The following KAZN variants were observed in gnomAD, a reference collection of about 807,000 sequenced individuals.
KAZN encodes kazrin, periplakin interacting protein.
In KAZN, 40 loss-of-function variants were observed where a neutral mutation model predicts 87.4. That is an observed-to-expected ratio of 0.46 (90% CI 0.36 to 0.60). The LOEUF is 0.60. Ranked by LOEUF, KAZN falls within the 20% of genes least tolerant of loss-of-function variation. The probability of loss-of-function intolerance (pLI) is 0.00; values close to 1 mark genes in which losing one functional copy is unlikely to be tolerated. For missense variants in KAZN, 898 were observed against 1,073.9 expected, an observed-to-expected ratio of 0.84 and a Z score of 2.29; for synonymous variants, 466 against 458.3, an observed-to-expected ratio of 1.02 and a Z score of -0.22.
chr1:14,162,117 C>A (rs756073454), intron 1 of KAZN, among the ~76,000 whole-genome samples: 4 of 152,174 alleles, frequency 2.6e-5, no homozygotes, highest in Non-Finnish European at 4.4e-5. Flanking sequence ...TGGATCCACC[C>A]TTTGAGCTCT....
At chr1:14,634,410 G>A (rs147173053) in intron 1 of KAZN, among the ~76,000 whole-genome samples, 1,758 of 152,266 alleles carry the variant, frequency 0.012, 47 homozygotes, top group African/African-American at 0.039. Context: ...TGGATGATAC[G>A]TTAGCAGGAG....
chr1:14,489,145 A>G (rs1669508974), intron 2 of KAZN, among the ~76,000 whole-genome samples: 1 of 152,132 alleles, frequency 6.6e-6, no homozygotes, highest in African/African-American at 2.4e-5. Context: ...GTTTCTTATG[A>G]TTGAGGTCAT....
At chr1:15,092,052 G>GTTTTTTTTTTTTTT (rs1182724737) in intron 8 of KAZN, among the ~76,000 whole-genome samples, 7 of 82,644 alleles carry the variant, frequency 8.5e-5, no homozygotes, top group African/African-American at 3.2e-4. Flanking sequence ...CAGAGGTTTT[G>GTTTTTTTTTTTTTT]TTTTTTTGTT....
At chr1:14,563,204 A>G (rs1300057029) in intron 2 of KAZN, among the ~76,000 whole-genome samples, 1 of 152,218 alleles carries the variant, frequency 6.6e-6, no homozygotes, top group African/African-American at 2.4e-5. Flanking sequence ...AATTACCTGC[A>G]GTCACGCCTG....
exon 1 of KAZN, chr1:13,893,635 C>T: frequency 6.5e-7 from 1 of 1,549,788 alleles, no homozygotes; most frequent in Non-Finnish European, 8.7e-7. Flanking sequence ...GACGCTGCCA[C>T]ATGACCAACA....
chr1:14,001,913 G>T (rs1283905050), intron 1 of KAZN, among the ~76,000 whole-genome samples: 1 of 152,068 alleles, frequency 6.6e-6, no homozygotes, highest in African/African-American at 2.4e-5. Context: ...AGAAAACCTA[G>T]ACAGTACCAT....
chr1:14,947,449 C>T lies in KAZN; in HGVS notation c.227-13235C>T, dbSNP rs12033073. Among the ~76,000 whole-genome samples, 685 of 152,298 alleles carry T rather than the reference C, an allele frequency of 4.5e-3. 13 individuals carry two copies. In the East Asian group the frequency reaches 0.064, roughly 14 times the overall value. On this transcript the variant is annotated intron_variant, in intron 1 of 14. Coordinates refer to ENST00000376030, the MANE Select transcript of KAZN (RefSeq NM_201628.3). ...GTTGCAAGAGCCAAGACTGGGGGAC[C>T]TGGCCATTTTTTTCATCTGAAGCTC...
At chr1:14,272,454 A>G (rs1400404856) in intron 2 of KAZN, among the ~76,000 whole-genome samples, 1 of 152,220 alleles carries the variant, frequency 6.6e-6, no homozygotes, top group South Asian at 2.1e-4. Flanking sequence ...TAGCAAATCA[A>G]TCAAACTTTC....
intron 2 of KAZN, among the ~76,000 whole-genome samples, chr1:14,257,042 C>T (rs1650572387): frequency 6.6e-6 from 1 of 152,114 alleles, no homozygotes; most frequent in Non-Finnish European, 1.5e-5. Flanking sequence ...GTTTAATTAC[C>T]CTTTTAATCA....
At chr1:15,083,381 C>A (rs1640098713) in intron 8 of KAZN, among the ~76,000 whole-genome samples, 1 of 152,192 alleles carries the variant, frequency 6.6e-6, no homozygotes, top group African/African-American at 2.4e-5. Flanking sequence ...CGGCCATCAC[C>A]TCTGGCTCCA....
intron 1 of KAZN, among the ~76,000 whole-genome samples, chr1:14,853,084 G>A (rs1027511865): frequency 6.6e-6 from 1 of 152,212 alleles, no homozygotes; most frequent in Admixed American, 6.5e-5. Context: ...TCACTCCAAA[G>A]TCCAGGCACA....
chr1:14,656,678 G>A (rs920094245), intron 1 of KAZN, among the ~76,000 whole-genome samples: 3 of 152,204 alleles, frequency 2.0e-5, no homozygotes, highest in Non-Finnish European at 2.9e-5. Context: ...TTACATGGCC[G>A]GAGAAGGAGG....
At chr1:14,364,583 C>G (rs1381108023) in intron 2 of KAZN, among the ~76,000 whole-genome samples, 1 of 152,100 alleles carries the variant, frequency 6.6e-6, no homozygotes, top group African/African-American at 2.4e-5. Context: ...AAAACATGAC[C>G]ACCATCATTC....
At chr1:14,947,456 T>A (rs938253) in intron 1 of KAZN, among the ~76,000 whole-genome samples, 88,479 of 152,076 alleles carry the variant, frequency 0.58, 28,974 homozygotes, top group African/African-American at 0.9. Flanking sequence ...GACCTGGCCA[T>A]TTTTTTCATC....
intron 1 of KAZN, among the ~76,000 whole-genome samples, chr1:14,903,426 G>A (rs1264269342): frequency 1.3e-5 from 2 of 152,302 alleles, no homozygotes; most frequent in South Asian, 2.1e-4. Context: ...GCAGCAGAGC[G>A]GGCCATCTGT....
chr1:13,947,104 G>A (rs1385350714), intron 1 of KAZN, among the ~76,000 whole-genome samples: 1 of 152,078 alleles, frequency 6.6e-6, no homozygotes, highest in East Asian at 1.9e-4. Context: ...CTATAAAGAA[G>A]TGCCTGAGAC....
At chr1:14,943,921 C>G (rs774266725) in intron 1 of KAZN, among the ~76,000 whole-genome samples, 19 of 152,006 alleles carry the variant, frequency 1.2e-4, no homozygotes, top group Non-Finnish European at 1.6e-4. Flanking sequence ...AAAATACAAA[C>G]TAATTAGCCG....
chr1:14,779,048 T>C (rs773274786), intron 1 of KAZN, among the ~76,000 whole-genome samples: 2 of 152,184 alleles, frequency 1.3e-5, no homozygotes, highest in Non-Finnish European at 2.9e-5. Context: ...AGTGTTTCCA[T>C]GACACAGGTG....
intron 1 of KAZN, among the ~76,000 whole-genome samples, chr1:14,866,075 C>A (rs962960970): frequency 6.6e-6 from 1 of 152,112 alleles, no homozygotes; most frequent in Non-Finnish European, 1.5e-5. Context: ...GTTATAGCAG[C>A]CCTGGGAAAG....
Sources: gnomAD v4.1 joint callset for allele counts (sites outside exome capture counted in the v4.1 genomes callset) on GRCh38, gnomAD v4.1.1 for gene constraint, MANE v1.5 for transcripts, NCBI Gene and HGNC (gene_info 2026-07-23, HGNC 2026-07-21) for gene names.